Variants in MDGA2 observed in about 807,000 individuals in gnomAD.
MDGA2 encodes the protein MAM domain containing glycosylphosphatidylinositol anchor 2, also known as MAM domain-containing glycosylphosphatidylinositol anchor protein 2.
Under a neutral mutation model 117.8 loss-of-function variants are expected in MDGA2, and 40 were observed. That is an observed-to-expected ratio of 0.34 (90% CI 0.26 to 0.44). MDGA2 has a LOEUF of 0.44. Among genes scored for constraint, MDGA2 ranks in the 20% least tolerant of loss-of-function variants. MDGA2 has a pLI of 1.00. For missense variants in MDGA2, 1,123 were observed against 1,250.6 expected (o/e 0.90, Z 1.54); for synonymous variants, 452 against 439.0 (o/e 1.03, Z -0.37).
At chr14:47,227,633 C>G (rs761267177) in intron 2 of MDGA2, among the ~76,000 whole-genome samples, 8 of 151,852 alleles carry the variant, frequency 5.3e-5, no homozygotes, top group Non-Finnish European at 1.2e-4. Context: ...GCCCAAATAA[C>G]TGAGCCTGAG....
chr14:47,059,440 T>G, intron 7 of MDGA2: 1 of 524,140 alleles, frequency 1.9e-6, no homozygotes, highest in Non-Finnish European at 3.1e-6. Context: ...AACCAATCTC[T>G]TATTACTAAT....
At chr14:47,154,820 T>C (rs1594674659) in intron 3 of MDGA2, among the ~76,000 whole-genome samples, 1 of 152,148 alleles carries the variant, frequency 6.6e-6, no homozygotes, top group Non-Finnish European at 1.5e-5. Context: ...GATAGGCGGC[T>C]GGGCGGAAAG....
chr14:47,379,185 G>A (rs931151593), intron 1 of MDGA2, among the ~76,000 whole-genome samples: 2 of 152,120 alleles, frequency 1.3e-5, no homozygotes, highest in African/African-American at 4.8e-5. Context: ...GTCACCACCA[G>A]GCCTGCCTTA....
At chr14:47,211,364 T>G (rs1392051236) in intron 3 of MDGA2, among the ~76,000 whole-genome samples, 1 of 152,176 alleles carries the variant, frequency 6.6e-6, no homozygotes, top group Non-Finnish European at 1.5e-5. Context: ...CTCCTGGGTC[T>G]GAGAGAAAAG....
At chr14:47,144,338 C>T in intron 3 of MDGA2, 64 bp from the exon 4 acceptor site, 1 of 1,255,842 alleles carries the variant, frequency 8.0e-7, no homozygotes, top group Non-Finnish European at 1.1e-6. Context: ...AAGTATTGTG[C>T]TTATATAACC....
chr14:46,863,843 G>C (rs1307741618), intron 14 of MDGA2, among the ~76,000 whole-genome samples: 10 of 152,086 alleles, frequency 6.6e-5, no homozygotes, highest in Admixed American at 6.6e-4. Context: ...ATGTATTAAA[G>C]ATTACATATA....
chr14:47,584,198 T>C (rs937803828), intron 1 of MDGA2, among the ~76,000 whole-genome samples: 1 of 151,938 alleles, frequency 6.6e-6, no homozygotes, highest in African/African-American at 2.4e-5. Flanking sequence ...ATTTACTATG[T>C]ACCTTCTATT....
chr14:47,654,233 T>G (rs1482750040), intron 1 of MDGA2, among the ~76,000 whole-genome samples: 2 of 152,094 alleles, frequency 1.3e-5, no homozygotes, highest in East Asian at 3.9e-4. Flanking sequence ...AGGGTGCAAA[T>G]TAGGAAAATA....
rs577226956 is a variant in MDGA2 at position 47,038,855 on chromosome 14, C to T, written c.1526-3551G>A. Among the ~76,000 whole-genome samples the T allele has an allele frequency of 2.0e-5, 3 of 150,352 alleles. No individual in the cohort carries two copies. In the South Asian group the frequency reaches 6.3e-4, roughly 32 times the overall value. On this transcript the variant is annotated intron_variant, in intron 7 of 16. Transcript: ENST00000399232. ...TACTCTGGAGGCTTAGGGGCTCAGG[C>T]AGGAGAATTGTTTGAACTCAGGAGG...
At chr14:47,301,020 C>A (rs544987680) in intron 2 of MDGA2, among the ~76,000 whole-genome samples, 6 of 152,042 alleles carry the variant, frequency 3.9e-5, no homozygotes, top group African/African-American at 1.4e-4. Context: ...AAATACCTCT[C>A]GGTTGCAATT....
Position 47,008,436 on chromosome 14 carries a change from C to T in MDGA2, c.1819+26575G>A, listed in dbSNP as rs1887786133. Among the ~76,000 whole-genome samples the T allele has an allele frequency of 2.0e-5, 3 of 151,938 alleles. No individual in the cohort carries two copies. The South Asian group carries it at 6.2e-4, about 31-fold the overall frequency. On this transcript the variant is annotated intron_variant, in intron 8 of 16. Coordinates refer to ENST00000399232, the MANE Select transcript of MDGA2 (RefSeq NM_001113498.3). ...GTAAGTCTTTGAAACCAAATATTCC[C>T]TGGACCACCTTGCTAAATAAGCTGC...
At chr14:46,911,888 G>A (rs1388967219) in intron 10 of MDGA2, among the ~76,000 whole-genome samples, 2 of 152,216 alleles carry the variant, frequency 1.3e-5, no homozygotes, top group Non-Finnish European at 1.5e-5. Context: ...GTCATGGGGT[G>A]GGGCAGGGCT....
At chr14:47,345,618 C>CTACT (rs979883453) in intron 1 of MDGA2, among the ~76,000 whole-genome samples, 2 of 151,938 alleles carry the variant, frequency 1.3e-5, no homozygotes, top group African/African-American at 4.8e-5. Flanking sequence ...TCAAAAAAAG[C>CTACT]TACTTGGTTA....
intron 9 of MDGA2, among the ~76,000 whole-genome samples, chr14:46,929,407 G>A (rs1056357697): frequency 6.6e-6 from 1 of 150,858 alleles, no homozygotes; most frequent in Admixed American, 6.6e-5. Context: ...AGTTACATCT[G>A]ATAGATTTGG....
intron 6 of MDGA2, among the ~76,000 whole-genome samples, chr14:47,093,665 G>T (rs1879799058): frequency 6.6e-6 from 1 of 152,126 alleles, no homozygotes; most frequent in East Asian, 1.9e-4. Flanking sequence ...AACCATGTGA[G>T]ATTTGTATTC....
rs141717546 is a variant in MDGA2 at position 47,119,356 on chromosome 14, G to C, written c.925+12358C>G. Among the ~76,000 whole-genome samples, 1,236 of 152,134 alleles carry C rather than the reference G, an allele frequency of 8.1e-3. 5 individuals carry two copies. Among genetic ancestry groups the C allele is most frequent in the Middle Eastern group, 0.027 (8 of 294 alleles). ...CTAGGATTACAGGCGTGAGCCACCG[G>C]GCCCGGCCCTACATATTCTTTAACT... On this transcript the variant is annotated intron_variant, in intron 5 of 16. Coordinates refer to ENST00000399232, the MANE Select transcript of MDGA2 (RefSeq NM_001113498.3).
chr14:47,230,615 C>G (rs1242185205), intron 2 of MDGA2, among the ~76,000 whole-genome samples: 1 of 151,796 alleles, frequency 6.6e-6, no homozygotes, highest in Non-Finnish European at 1.5e-5. Flanking sequence ...TATTTTGCCA[C>G]TATAATATTT....
intron 9 of MDGA2, among the ~76,000 whole-genome samples, chr14:46,950,977 T>C (rs751618575): frequency 1.6e-4 from 25 of 151,968 alleles, no homozygotes; most frequent in East Asian, 3.9e-4. Flanking sequence ...AGAAATGCTA[T>C]ATTCCTTTAA....
intron 3 of MDGA2, among the ~76,000 whole-genome samples, chr14:47,145,758 T>G (rs1882918129): frequency 6.6e-6 from 1 of 152,162 alleles, no homozygotes; most frequent in Admixed American, 6.5e-5. Context: ...ATTAAGTTGG[T>G]GCAAAAGTAA....
Sources: allele counts gnomAD v4.1 joint callset (sites outside exome capture counted in the v4.1 genomes callset), GRCh38; gene constraint gnomAD v4.1.1; transcripts MANE v1.5; gene names NCBI Gene and HGNC (gene_info 2026-07-23, HGNC 2026-07-21).